The following GPC3 variants were observed in gnomAD, a reference collection of about 807,000 sequenced individuals.
GPC3 encodes the protein glypican 3.
Under a neutral mutation model 34.4 loss-of-function variants are expected in GPC3, and 3 were observed. The ratio of observed to expected loss-of-function variants is 0.09; its 90% CI spans 0.04 to 0.23. The LOEUF is 0.23. GPC3 is among the 10% of genes least tolerant of loss of function. The probability of loss-of-function intolerance (pLI) is 1.00; values close to 1 mark genes in which losing one functional copy is unlikely to be tolerated. For synonymous variants in GPC3, 177 were observed against 174.0 expected (o/e 1.02, Z -0.13); for missense variants, 351 against 445.6 (o/e 0.79, Z 1.91).
At chrX:133,566,541 A>G (rs1022381882) in intron 7 of GPC3, among the ~76,000 whole-genome samples, 1 of 111,888 alleles carries the variant, frequency 8.9e-6, no homozygotes, top group African/African-American at 3.3e-5. Flanking sequence ...TTGCCTCTCC[A>G]CCCTTCCAAA....
intron 5 of GPC3, among the ~76,000 whole-genome samples, chrX:133,678,288 T>C (rs1246623228): frequency 9.0e-6 from 1 of 111,601 alleles, no homozygotes; most frequent in East Asian, 2.8e-4. Context: ...CTTTCTGAAG[T>C]CCCACTGTAC....
intron 7 of GPC3, among the ~76,000 whole-genome samples, chrX:133,575,856 G>A (rs1157419908): frequency 9.0e-6 from 1 of 111,414 alleles, no homozygotes; most frequent in Non-Finnish European, 1.9e-5. Context: ...TCCTTTTCGG[G>A]TCCAGGCTCA....
intron 6 of GPC3, among the ~76,000 whole-genome samples, chrX:133,647,328 C>T (rs975142499): frequency 8.9e-6 from 1 of 112,293 alleles, no homozygotes; most frequent in Admixed American, 9.4e-5. Context: ...TTAGCCTAAC[C>T]GAGACATCCG....
intron 3 of GPC3, among the ~76,000 whole-genome samples, chrX:133,701,972 C>T (rs367827282): frequency 2.7e-4 from 30 of 112,170 alleles, no homozygotes; most frequent in Non-Finnish European, 4.5e-4. Flanking sequence ...AAACAAAAGC[C>T]GAAGACACTT....
intron 6 of GPC3, among the ~76,000 whole-genome samples, chrX:133,616,720 T>G (rs1227259571): frequency 3.9e-5 from 4 of 102,941 alleles, no homozygotes; most frequent in Admixed American, 1.0e-4. Flanking sequence ...TTTTTTGAGA[T>G]GGAGTCTCAC....
chrX:133,810,945 C>G (rs150722230), intron 2 of GPC3, among the ~76,000 whole-genome samples: 1 of 110,179 alleles, frequency 9.1e-6, no homozygotes, highest in African/African-American at 3.3e-5. Flanking sequence ...GTTCAGTCTC[C>G]GTTTCCTCTT....
At chrX:133,744,154 T>C (rs2071590032) in intron 3 of GPC3, among the ~76,000 whole-genome samples, 1 of 111,565 alleles carries the variant, frequency 9.0e-6, no homozygotes, top group Admixed American at 9.5e-5. Flanking sequence ...AAAGCCAAAA[T>C]TGACATATGG....
At chrX:133,799,937 C>T (rs1009184872) in intron 2 of GPC3, among the ~76,000 whole-genome samples, 15 of 112,020 alleles carry the variant, frequency 1.3e-4, no homozygotes, top group Admixed American at 4.7e-4. Flanking sequence ...TCCAGGTGTC[C>T]TGATGAGTCA....
chrX:133,819,806 TGA>T (rs1179533224), intron 2 of GPC3, among the ~76,000 whole-genome samples: 1 of 111,885 alleles, frequency 8.9e-6, no homozygotes, highest in Non-Finnish European at 1.9e-5. Context: ...AACAATCCTG[TGA>T]GTTTGTTATC....
chrX:133,630,068 A>C (rs917479057), intron 6 of GPC3, among the ~76,000 whole-genome samples: 1 of 111,430 alleles, frequency 9.0e-6, no homozygotes, highest in Non-Finnish European at 1.9e-5. Flanking sequence ...AATAAAAAAG[A>C]AAAAAGAAAA....
At chrX:133,769,949 ACT>A (rs1194112811) in intron 2 of GPC3, among the ~76,000 whole-genome samples, 2 of 112,312 alleles carry the variant, frequency 1.8e-5, no homozygotes, top group Non-Finnish European at 3.8e-5. Context: ...TAAAGCAGTG[ACT>A]CAGCCACAAG....
At chrX:133,923,111 T>C (rs1172157034) in intron 2 of GPC3, among the ~76,000 whole-genome samples, 3 of 109,839 alleles carry the variant, frequency 2.7e-5, no homozygotes, top group African/African-American at 1.0e-4. Flanking sequence ...GAGCACCCTT[T>C]ACCAACACAT....
intron 2 of GPC3, among the ~76,000 whole-genome samples, chrX:133,896,074 T>C (rs376755048): frequency 2.7e-5 from 3 of 111,432 alleles, no homozygotes; most frequent in Admixed American, 9.5e-5. Context: ...AGAAAGAAAA[T>C]GTCAAGGCTG....
At chrX:133,603,144 TAA>T (rs373788600) in intron 6 of GPC3, among the ~76,000 whole-genome samples, 14 of 91,205 alleles carry the variant, frequency 1.5e-4, no homozygotes, top group African/African-American at 1.2e-4. Context: ...AGGCAAAAGT[TAA>T]AAAAAAAAAA....
chrX:133,973,471 CCTT>C (rs1200334559), intron 1 of GPC3, among the ~76,000 whole-genome samples: 1 of 112,468 alleles, frequency 8.9e-6, no homozygotes, highest in Non-Finnish European at 1.9e-5. Flanking sequence ...CCCTCGTGGT[CCTT>C]CTAAACTATT....
Position 133,841,215 on chromosome X carries a change from A to ATTTTTTTTTT in GPC3, c.338-87049_338-87040dup, listed in dbSNP as rs769696321. On this transcript the variant is annotated intron_variant, in intron 2 of 7. Coordinates refer to ENST00000370818, the MANE Select transcript of GPC3 (RefSeq NM_004484.4). ...ACCACCATGCCTGGCTAATCTTTTA[A>ATTTTTTTTTT]TTTTTTTTTTTTTTTTTTTTTTTGG... Among the ~76,000 whole-genome samples, 345 of 39,200 alleles carry ATTTTTTTTTT rather than the reference A, an allele frequency of 8.8e-3. 40 individuals are homozygous for ATTTTTTTTTT. The highest frequency in any genetic ancestry group is 0.02 in the African/African-American group (292 of 14,283). 34.0% of individuals were successfully genotyped at this position (39,200 alleles called of 115,157 possible).
chrX:133,904,566 A>G (rs1249073392), intron 2 of GPC3, among the ~76,000 whole-genome samples: 1 of 111,908 alleles, frequency 8.9e-6, no homozygotes, highest in Non-Finnish European at 1.9e-5. Context: ...GAGAGAGGAA[A>G]GATTCCCAAA....
chrX:133,593,758 G>A (rs2069879191), intron 7 of GPC3, among the ~76,000 whole-genome samples: 1 of 110,972 alleles, frequency 9.0e-6, no homozygotes. Context: ...CCTACGATGT[G>A]TCTGCAATAG....
intron 6 of GPC3, among the ~76,000 whole-genome samples, chrX:133,655,983 A>T (rs2070659941): frequency 8.9e-6 from 1 of 112,205 alleles, no homozygotes; most frequent in South Asian, 3.7e-4. Context: ...GTGTTTACAG[A>T]GGGGGATGGA....
Sources: gnomAD v4.1 joint callset for allele counts (sites outside exome capture counted in the v4.1 genomes callset) on GRCh38, gnomAD v4.1.1 for gene constraint, MANE v1.5 for transcripts, NCBI Gene and HGNC (gene_info 2026-07-23, HGNC 2026-07-21) for gene names.